The following VPS13B variants were observed in gnomAD, a reference collection of about 807,000 sequenced individuals.
The protein encoded by VPS13B is intermembrane lipid transfer protein VPS13B.
VPS13B carries 285 observed loss-of-function variants against 426.4 expected under a neutral mutation model. That is an observed-to-expected ratio of 0.67 (90% CI 0.61 to 0.74). The LOEUF is 0.74. VPS13B is among the 30% of genes least tolerant of loss of function. VPS13B has a pLI of 0.00. For synonymous variants in VPS13B, 1,676 were observed against 1,676.4 expected, an observed-to-expected ratio of 1.00 and a Z score of 0.01; for missense variants, 4,537 against 4,782.6, an observed-to-expected ratio of 0.95 and a Z score of 1.51.
intron 19 of VPS13B, chr8:99,340,965 T>C (rs1811210080): frequency 7.2e-6 from 2 of 278,060 alleles, no homozygotes; most frequent in South Asian, 1.0e-4. Context: ...GCTCATTTTA[T>C]TGTCTGTGGT....
At chr8:99,328,186 C>T (rs981116060) in intron 19 of VPS13B, among the ~76,000 whole-genome samples, 6 of 152,174 alleles carry the variant, frequency 3.9e-5, no homozygotes, top group African/African-American at 1.4e-4. Context: ...CTGCACGCTC[C>T]TCATGAGAAT....
At chr8:99,119,089 T>G (rs1847816864) in intron 7 of VPS13B, among the ~76,000 whole-genome samples, 1 of 152,182 alleles carries the variant, frequency 6.6e-6, no homozygotes, top group Non-Finnish European at 1.5e-5. Flanking sequence ...TGTTGTGGTA[T>G]CTCATGGTTT....
intron 3 of VPS13B, among the ~76,000 whole-genome samples, chr8:99,079,332 A>G (rs1191428836): frequency 6.6e-6 from 1 of 151,962 alleles, no homozygotes; most frequent in Non-Finnish European, 1.5e-5. Flanking sequence ...GGGCAGATCA[A>G]TTCCCAGGCC....
chr8:99,844,659 C>T (rs1029823382), intron 54 of VPS13B, among the ~76,000 whole-genome samples: 38 of 152,098 alleles, frequency 2.5e-4, no homozygotes, highest in Non-Finnish European at 8.8e-5. Context: ...CGTGAGCTAC[C>T]GCCCCCGGCC....
intron 23 of VPS13B, among the ~76,000 whole-genome samples, chr8:99,451,408 C>G (rs1818191749): frequency 6.6e-6 from 1 of 152,152 alleles, no homozygotes. Context: ...TTGAACAAGA[C>G]AGATATGGTG....
chr8:99,018,266 A>G (rs781219728), intron 2 of VPS13B, among the ~76,000 whole-genome samples: 1 of 152,186 alleles, frequency 6.6e-6, no homozygotes, highest in Non-Finnish European at 1.5e-5. Context: ...CACGCCTGTA[A>G]TCCCAGCTAC....
At chr8:99,134,835 T>C (rs1809989007) in intron 9 of VPS13B, 108 bp downstream of exon 9, 1 of 1,188,114 alleles carries the variant, frequency 8.4e-7, no homozygotes, top group Non-Finnish European at 1.2e-6. Flanking sequence ...AGTAAGATGT[T>C]TGTTTCTTAT....
chr8:99,766,709 AT>A, intron 39 of VPS13B, 64 bp from the exon 40 acceptor site: 1 of 1,388,050 alleles, frequency 7.2e-7, no homozygotes, highest in South Asian at 1.3e-5. Flanking sequence ...TTTAATTTGA[AT>A]TTCAACAAAT....
intron 23 of VPS13B, among the ~76,000 whole-genome samples, chr8:99,446,246 GA>G (rs1220318438): frequency 6.6e-6 from 1 of 151,026 alleles, no homozygotes; most frequent in Non-Finnish European, 1.5e-5. Flanking sequence ...CTTTTTTTTT[GA>G]AATATATTTT....
In VPS13B at chr8:99,774,555, C is replaced by A. The variant is rs555345454; in HGVS notation, c.7248-2220C>A. ...TTGGAAAATATCAGAGTGTCAAAAA[C>A]TATAATTGGTCAGAAAAATGCTCAA... On this transcript the variant is annotated intron_variant, in intron 40 of 61. Transcript: ENST00000357162. Among the ~76,000 whole-genome samples the A allele has an allele frequency of 2.6e-4, 39 of 152,240 alleles. 1 individual carries two copies. In the East Asian group the frequency reaches 5.8e-3, roughly 23 times the overall value.
rs1588166838 is a variant in VPS13B at position 99,241,123 on chromosome 8, C to A, written c.2516-33075C>A. The A allele has an allele frequency of 2.0e-5, 3 of 152,332 alleles. No individual in the cohort carries two copies. In the South Asian group the frequency reaches 6.2e-4, roughly 32 times the overall value. 9.4% of individuals were successfully genotyped at this position (152,332 alleles called of 1,614,324 possible). On this transcript the variant is annotated intron_variant, in intron 17 of 61. Coordinates refer to ENST00000357162, the MANE Select transcript of VPS13B (RefSeq NM_152564.5). ...GCATGCACAGATGTAAAACTGCCAACTGATTTTACACCAAATAAAGTCTAA... is the reference window on the plus strand; with the variant it reads ...GCATGCACAGATGTAAAACTGCCAAATGATTTTACACCAAATAAAGTCTAA...
At chr8:99,813,175 A>G (rs965198806) in intron 44 of VPS13B, among the ~76,000 whole-genome samples, 2 of 152,214 alleles carry the variant, frequency 1.3e-5, no homozygotes, top group Non-Finnish European at 2.9e-5. Context: ...ATTTTCTTTC[A>G]TCTAAAGTAG....
At chr8:99,501,595 A>AAAT (rs1821234783) in intron 25 of VPS13B, 92 bp from the exon 26 acceptor site, 7 of 1,334,668 alleles carry the variant, frequency 5.2e-6, no homozygotes, top group Non-Finnish European at 7.3e-6. Context: ...AAAAAGTTAC[A>AAAT]AATAATAATT....
intron 57 of VPS13B, 37 bp from the exon 58 acceptor site, chr8:99,861,739 C>T (rs780294983): frequency 1.3e-5 from 20 of 1,569,576 alleles, no homozygotes; most frequent in Admixed American, 3.8e-5. Context: ...ATCATGTATG[C>T]GACAAGGAGG....
chr8:99,528,329 A>G (rs915992967), intron 30 of VPS13B, among the ~76,000 whole-genome samples: 1 of 152,078 alleles, frequency 6.6e-6, no homozygotes, highest in Admixed American at 6.6e-5. Context: ...CTTTGCATGC[A>G]TTCATTGATT....
chr8:99,869,530 T>C (rs1817283682), intron 59 of VPS13B, among the ~76,000 whole-genome samples: 1 of 152,166 alleles, frequency 6.6e-6, no homozygotes, highest in Non-Finnish European at 1.5e-5. Context: ...CTCATTTCCC[T>C]CTCCTTCTGT....
rs1192468726 is a variant in VPS13B at position 99,013,691 on chromosome 8, C to T, written c.-29-69C>T. Reference sequence around the variant, plus strand: ...TTTGGTGGGGACTTACTGCTTTCGGCCTGAGATAACGAACGCTCTTTCCTT... The same window carrying T: ...TTTGGTGGGGACTTACTGCTTTCGGTCTGAGATAACGAACGCTCTTTCCTT... On this transcript the variant is annotated intron_variant, in intron 1 of 61. Coordinates refer to ENST00000357162, the MANE Select transcript of VPS13B (RefSeq NM_152564.5). 4.1e-6 allele frequency: 6 copies of T among 1,479,098 alleles called. No individual in the cohort carries two copies. In the Admixed American group the frequency reaches 8.4e-5, roughly 21 times the overall value. 91.6% of individuals were successfully genotyped at this position (1,479,098 alleles called of 1,614,324 possible). A position where few individuals can be genotyped will look rare whatever the true frequency, so the allele number is the denominator to read the frequency against.
At position 99,255,280 on chromosome 8, in the gene VPS13B, A is replaced by G. The variant is rs571318357; in HGVS notation, c.2516-18918A>G. Among the ~76,000 whole-genome samples, 77 of 151,578 alleles carry G rather than the reference A, an allele frequency of 5.1e-4. 1 individual carries two copies. Among genetic ancestry groups the G allele is most frequent in the African/African-American group, 1.8e-3 (75 of 41,318 alleles). Reference sequence around the variant, plus strand: ...AATTCCTATTTCTTTGCCAAAATCTATTTTCATTTGCTTCAAGCAAAATGT... The same window carrying G: ...AATTCCTATTTCTTTGCCAAAATCTGTTTTCATTTGCTTCAAGCAAAATGT... On this transcript the variant is annotated intron_variant, in intron 17 of 61. Coordinates refer to ENST00000357162, the MANE Select transcript of VPS13B (RefSeq NM_152564.5).
At chr8:99,222,868 A>G (rs1052302592) in intron 17 of VPS13B, among the ~76,000 whole-genome samples, 1 of 152,122 alleles carries the variant, frequency 6.6e-6, no homozygotes, top group African/African-American at 2.4e-5. Flanking sequence ...ATAGAGTCTT[A>G]CTCTGCCGCC....
Sources: gnomAD v4.1 joint callset for allele counts (sites outside exome capture counted in the v4.1 genomes callset) on GRCh38, gnomAD v4.1.1 for gene constraint, MANE v1.5 for transcripts, NCBI Gene and HGNC (gene_info 2026-07-23, HGNC 2026-07-21) for gene names.